Variants in MCMBP observed in about 807,000 individuals in gnomAD.
The protein encoded by MCMBP is minichromosome maintenance complex binding protein.
In MCMBP, 31 loss-of-function variants were observed where a neutral mutation model predicts 81.3. That is an observed-to-expected ratio of 0.38 (90% CI 0.29 to 0.51). The LOEUF (loss-of-function observed/expected upper bound fraction) is 0.51, where lower values mean the gene tolerates loss of function less well. MCMBP is among the 20% of genes least tolerant of loss of function. The probability of loss-of-function intolerance (pLI) is 0.87; values close to 1 mark genes in which losing one functional copy is unlikely to be tolerated. For synonymous variants in MCMBP, 267 were observed against 275.9 expected, an observed-to-expected ratio of 0.97 and a Z score of 0.32; for missense variants, 645 against 772.1, an observed-to-expected ratio of 0.84 and a Z score of 1.95.
At chr10:119,849,715 A>G (rs1564878789) in intron 6 of MCMBP, 139 bp from the exon 7 acceptor site, 3 of 670,406 alleles carry the variant, frequency 4.5e-6, no homozygotes, top group Non-Finnish European at 7.1e-6. Context: ...GTTTTTAAGG[A>G]AACAGCACAT....
At chr10:119,852,753 G>A (rs925767091) in intron 6 of MCMBP, among the ~76,000 whole-genome samples, 1 of 152,110 alleles carries the variant, frequency 6.6e-6, no homozygotes, top group East Asian at 1.9e-4. Context: ...TCATTTTTAG[G>A]GTAAAGTACC....
At position 119,849,446 on chromosome 10, in the gene MCMBP, C is replaced by G; in HGVS notation, c.705G>C (p.Lys235Asn). 6.2e-7 allele frequency: 1 copy of G among 1,610,452 alleles called. No homozygotes were observed. Among genetic ancestry groups the G allele is most frequent in the Non-Finnish European group, 8.5e-7 (1 of 1,178,868 alleles). ...FDLNFPLPGE[K>N]GPACLVKVYE... ...TTACCTTCACAAGGCATGCAGGGCC[C>G]TTCTCTCCTGGCAATGGAAAATTCA... Residue 235 changes from lysine (K) to asparagine (N), a missense_variant, in exon 7 of 16, where the codon AAG (lysine) becomes AAC (asparagine). Lys to Asn is a moderately conservative substitution (Grantham distance 94). Transcript: ENST00000369077.
Position 119,872,597 on chromosome 10 carries a change from C to T in MCMBP, c.-13G>A, listed in dbSNP as rs1853729942. The T allele has an allele frequency of 3.4e-6, 4 of 1,170,106 alleles. No homozygotes were observed. Among genetic ancestry groups the T allele is most frequent in the African/African-American group, 1.6e-5 (1 of 61,526 alleles). The allele number at this position is 1,170,106 out of a possible 1,614,324, so 72.5% of individuals were successfully genotyped here. ...CCCCACACGGCATCTCGCCAGGGGC[C>T]GGGGCCGGCGAAGACCGGGCGGAGG... is the stretch of plus-strand genomic sequence containing the variant. On this transcript the variant is annotated 5_prime_UTR_variant, in exon 1 of 16. Coordinates refer to ENST00000369077, the MANE Select transcript of MCMBP (RefSeq NM_001256378.2).
At chr10:119,873,223 A>G (rs1041486222), upstream of MCMBP, among the ~76,000 whole-genome samples, 1 of 151,036 alleles carries the variant, frequency 6.6e-6, no homozygotes, top group South Asian at 2.1e-4. Flanking sequence ...GAATCCGCCC[A>G]CCTCCTCTTC....
chr10:119,859,260 C>A, intron 2 of MCMBP, 79 bp from the exon 3 acceptor site: 15 of 1,255,172 alleles, frequency 1.2e-5, no homozygotes, highest in Non-Finnish European at 1.7e-5. Context: ...AACTTTATAT[C>A]CAGACTCAAA....
At chr10:119,834,355 G>A (rs1852160098) in intron 14 of MCMBP, among the ~76,000 whole-genome samples, 1 of 152,154 alleles carries the variant, frequency 6.6e-6, no homozygotes, top group African/African-American at 2.4e-5. Flanking sequence ...GACTCAGTGT[G>A]TACAAAGGAT....
At chr10:119,863,986 G>A (rs927728573) in intron 1 of MCMBP, among the ~76,000 whole-genome samples, 1 of 150,928 alleles carries the variant, frequency 6.6e-6, no homozygotes, top group African/African-American at 2.4e-5. Context: ...ATGGAATTAA[G>A]GTTAATAATC....
intron 2 of MCMBP, 116 bp from the exon 3 acceptor site, chr10:119,859,297 CA>C: frequency 2.4e-6 from 2 of 844,472 alleles, no homozygotes; most frequent in Non-Finnish European, 1.8e-6. Flanking sequence ...CACACACACA[CA>C]CACACACCCA....
chr10:119,840,387 C>G (rs1214772141), intron 11 of MCMBP, among the ~76,000 whole-genome samples: 1 of 152,166 alleles, frequency 6.6e-6, no homozygotes, highest in Non-Finnish European at 1.5e-5. Context: ...CAAGATCCTA[C>G]CACCACGCAA....
At chr10:119,833,664 C>G (rs1260889324) in intron 14 of MCMBP, among the ~76,000 whole-genome samples, 13 of 151,950 alleles carry the variant, frequency 8.6e-5, no homozygotes, top group African/African-American at 3.1e-4. Flanking sequence ...CAGTGAGACC[C>G]CACTGACCAA....
intron 14 of MCMBP, 132 bp downstream of exon 14, chr10:119,835,408 T>TA (rs1347757647): frequency 1.3e-6 from 1 of 784,498 alleles, no homozygotes. Flanking sequence ...AATAATGGAG[T>TA]AACAGAGGAA....
chr10:119,861,828 T>C (rs1421329705), intron 1 of MCMBP, among the ~76,000 whole-genome samples: 9 of 152,106 alleles, frequency 5.9e-5, no homozygotes, highest in Admixed American at 3.3e-4. Context: ...GCAACCTTAA[T>C]TTCCTGGGCT....
rs1225858442 is a variant in MCMBP at position 119,859,791 on chromosome 10, A to G, written c.144+8T>C. ...AACCCTCTCCCTCGAAAATAGCAAT[A>G]AGCTTACCCACTTAGGAGCATTATT... is the stretch of plus-strand genomic sequence containing the variant. On this transcript the variant is annotated splice_region_variant and intron_variant, in intron 2 of 15. Coordinates refer to ENST00000369077, the MANE Select transcript of MCMBP (RefSeq NM_001256378.2). The G allele has an allele frequency of 6.2e-7, 1 of 1,602,142 alleles. No individual in the cohort carries two copies. Among genetic ancestry groups the G allele is most frequent in the Non-Finnish European group, 8.5e-7 (1 of 1,170,864 alleles).
At chr10:119,873,205 C>T (rs1269190826), upstream of MCMBP, among the ~76,000 whole-genome samples, 1 of 152,168 alleles carries the variant, frequency 6.6e-6, no homozygotes, top group Non-Finnish European at 1.5e-5. Context: ...TGGGCGAAAC[C>T]GCCTTGGGAA....
chr10:119,832,217 A>G, intron 14 of MCMBP, 117 bp from the exon 15 acceptor site: 3 of 753,388 alleles, frequency 4.0e-6, no homozygotes, highest in Non-Finnish European at 6.3e-6. Flanking sequence ...AGGAGGCAAT[A>G]TGGGTGAAAG....
chr10:119,851,943 G>A lies in MCMBP; in HGVS notation c.574+1107C>T, dbSNP rs1025142279. ...CGAGGCAAGTGGATCATCTGATGTCGGGAGCTCAAGACCAGCCTGACCAAC... is the reference window on the plus strand; with the variant it reads ...CGAGGCAAGTGGATCATCTGATGTCAGGAGCTCAAGACCAGCCTGACCAAC... On this transcript the variant is annotated intron_variant, in intron 6 of 15. Coordinates refer to ENST00000369077, the MANE Select transcript of MCMBP (RefSeq NM_001256378.2). Among the ~76,000 whole-genome samples the A allele has an allele frequency of 4.0e-5, 6 of 151,722 alleles. No individual in the cohort carries two copies. The South Asian group carries it at 6.3e-4, about 16-fold the overall frequency.
At position 119,843,395 on chromosome 10, in the gene MCMBP, A is replaced by G. The variant is rs998091477; in HGVS notation, c.859T>C (p.Cys287Arg). ...CTCTGCTCCTCTGCTGTGTCTGTGC[A>G]CTCCATCGGATCCAGCAGTGCAGAG... Reference protein sequence around the residue: ...DASALLDPMECTDTAEEQRVH... With the variant: ...DASALLDPMERTDTAEEQRVH... Residue 287 changes from cysteine (C) to arginine (R), a missense_variant, in exon 9 of 16, where the codon TGC (cysteine) becomes CGC (arginine). Coordinates refer to ENST00000369077, the MANE Select transcript of MCMBP (RefSeq NM_001256378.2). 14 of 1,613,802 alleles carry G rather than the reference A, an allele frequency of 8.7e-6. No homozygotes were observed. The highest frequency in any genetic ancestry group is 8.3e-5 in the Admixed American group (5 of 60,000).
chr10:119,851,787 A>T (rs1589789851), intron 6 of MCMBP, among the ~76,000 whole-genome samples: 1 of 152,228 alleles, frequency 6.6e-6, no homozygotes, highest in East Asian at 1.9e-4. Flanking sequence ...ATCTGGAAAT[A>T]TCAATTTATA....
intron 10 of MCMBP, among the ~76,000 whole-genome samples, chr10:119,841,261 G>A (rs183952800): frequency 6.6e-6 from 1 of 152,330 alleles, no homozygotes; most frequent in African/African-American, 2.4e-5. Context: ...GCACAGAGAT[G>A]ATAATAAGCA....
Sources: allele counts gnomAD v4.1 joint callset (sites outside exome capture counted in the v4.1 genomes callset), GRCh38; gene constraint gnomAD v4.1.1; transcripts MANE v1.5; gene names NCBI Gene and HGNC (gene_info 2026-07-23, HGNC 2026-07-21).